Variants in ZCCHC17 observed in about 807,000 individuals in gnomAD.
ZCCHC17 encodes the protein zinc finger CCHC-type containing 17, also known as zinc finger CCHC domain-containing protein 17.
In ZCCHC17, 18 loss-of-function variants were observed where a neutral mutation model predicts 30.6. That is an observed-to-expected ratio of 0.59 (90% confidence interval 0.41 to 0.87). ZCCHC17 has a LOEUF of 0.87. Ranked by LOEUF, ZCCHC17 falls within the 40% of genes least tolerant of loss-of-function variation. The probability of loss-of-function intolerance (pLI) is 0.00; values close to 1 mark genes in which losing one functional copy is unlikely to be tolerated. For missense variants in ZCCHC17, 263 were observed against 284.2 expected (o/e 0.93, Z 0.54); for synonymous variants, 88 against 92.4 (o/e 0.95, Z 0.27).
chr1:31,311,473 A>T (rs1646599522), intron 2 of ZCCHC17, among the ~76,000 whole-genome samples: 1 of 152,226 alleles, frequency 6.6e-6, no homozygotes, highest in Non-Finnish European at 1.5e-5. Flanking sequence ...GTGCTGCTAT[A>T]ACAAAATACC....
chr1:31,342,779 A>C (rs1411869793), intron 5 of ZCCHC17, among the ~76,000 whole-genome samples: 1 of 152,240 alleles, frequency 6.6e-6, no homozygotes, highest in African/African-American at 2.4e-5. Context: ...AAAGGGTTCT[A>C]GGAATTCACT....
intron 5 of ZCCHC17, among the ~76,000 whole-genome samples, chr1:31,342,594 A>G (rs895899757): frequency 3.3e-5 from 5 of 152,154 alleles, no homozygotes; most frequent in African/African-American, 4.8e-5. Context: ...GCAGGTCACA[A>G]TAGGGTTTGC....
At chr1:31,352,483 T>C (rs1331108360) in intron 7 of ZCCHC17, among the ~76,000 whole-genome samples, 1 of 152,194 alleles carries the variant, frequency 6.6e-6, no homozygotes, top group Non-Finnish European at 1.5e-5. Context: ...TAATATTCTG[T>C]TCTATGTATT....
intron 3 of ZCCHC17, among the ~76,000 whole-genome samples, chr1:31,332,046 T>C (rs1638615390): frequency 6.6e-6 from 1 of 152,216 alleles, no homozygotes; most frequent in African/African-American, 2.4e-5. Flanking sequence ...ACTAATGTAA[T>C]TGTTCAGGTA....
At chr1:31,337,967 G>T (rs965440720) in intron 4 of ZCCHC17, among the ~76,000 whole-genome samples, 1 of 151,944 alleles carries the variant, frequency 6.6e-6, no homozygotes, top group Non-Finnish European at 1.5e-5. Context: ...TATAAGTAGA[G>T]ACAATTTTTC....
intron 3 of ZCCHC17, among the ~76,000 whole-genome samples, chr1:31,335,204 G>A (rs890655299): frequency 2.6e-5 from 4 of 151,978 alleles, no homozygotes; most frequent in African/African-American, 9.7e-5. Flanking sequence ...CTTTTCTCTG[G>A]CAGACTCTTG....
chr1:31,302,508 G>T (rs1017095712), intron 1 of ZCCHC17, among the ~76,000 whole-genome samples: 3 of 152,158 alleles, frequency 2.0e-5, no homozygotes, highest in Non-Finnish European at 4.4e-5. Flanking sequence ...TTCCATGAAT[G>T]ATATCCACAT....
chr1:31,313,528 T>C (rs1557429442), intron 2 of ZCCHC17, among the ~76,000 whole-genome samples: 1 of 152,252 alleles, frequency 6.6e-6, no homozygotes, highest in Non-Finnish European at 1.5e-5. Flanking sequence ...TAATTGTGGC[T>C]CTTGACTTCT....
At chr1:31,361,188 T>G (rs1342021117) in intron 7 of ZCCHC17, among the ~76,000 whole-genome samples, 3 of 152,172 alleles carry the variant, frequency 2.0e-5, no homozygotes, top group Non-Finnish European at 2.9e-5. Context: ...TTGTTATAGC[T>G]CGGTAATGTG....
At chr1:31,349,705 A>G (rs1378266287) in intron 7 of ZCCHC17, among the ~76,000 whole-genome samples, 2 of 152,252 alleles carry the variant, frequency 1.3e-5, no homozygotes, top group Non-Finnish European at 1.5e-5. Flanking sequence ...TTGTGGTCAT[A>G]CTAGCTATAG....
chr1:31,353,315 T>G (rs1017529153), intron 7 of ZCCHC17, among the ~76,000 whole-genome samples: 1 of 152,218 alleles, frequency 6.6e-6, no homozygotes, highest in Non-Finnish European at 1.5e-5. Flanking sequence ...TCTTCTAATC[T>G]GTGGATTGTT....
intron 3 of ZCCHC17, among the ~76,000 whole-genome samples, chr1:31,323,121 A>G (rs974238994): frequency 6.6e-6 from 1 of 152,218 alleles, no homozygotes; most frequent in African/African-American, 2.4e-5. Flanking sequence ...GACTTAATGA[A>G]TAACAAAAGA....
chr1:31,316,356 C>T (rs556242079), intron 2 of ZCCHC17, among the ~76,000 whole-genome samples: 198 of 152,290 alleles, frequency 1.3e-3, no homozygotes, highest in South Asian at 0.011. Flanking sequence ...CCTGCCTCAG[C>T]CTCCCAAAGT....
At chr1:31,331,142 C>CT (rs113549583) in intron 3 of ZCCHC17, among the ~76,000 whole-genome samples, 107 of 146,330 alleles carry the variant, frequency 7.3e-4, no homozygotes, top group South Asian at 2.0e-3. Context: ...TCATAATATT[C>CT]TTTTTTTTTT....
intron 3 of ZCCHC17, among the ~76,000 whole-genome samples, chr1:31,329,741 A>C (rs1638505984): frequency 6.6e-6 from 1 of 152,164 alleles, no homozygotes; most frequent in Non-Finnish European, 1.5e-5. Context: ...AATCTCACTG[A>C]ATGAATGAAT....
chr1:31,326,883 A>G (rs1054544152), intron 3 of ZCCHC17, among the ~76,000 whole-genome samples: 1 of 152,200 alleles, frequency 6.6e-6, no homozygotes, highest in Non-Finnish European at 1.5e-5. Flanking sequence ...AAGAGGGAAG[A>G]TTATTAAGTC....
rs59004055 is a variant in ZCCHC17 at position 31,313,068 on chromosome 1, C to CTTTT, written c.66+2921_66+2924dup. 1.4e-3 allele frequency among the ~76,000 whole-genome samples: 159 copies of CTTTT among 113,484 alleles called. 5 individuals are homozygous for CTTTT. The highest frequency in any genetic ancestry group is 1.8e-3 in the Non-Finnish European group (104 of 57,748). The allele number at this position is 113,484 out of a possible 152,430, so 74.4% of individuals were successfully genotyped here. ...AGGTGTGAGCCACCACACTGGGCCT[C>CTTTT]TTTTTTTTTTTTTTTTTTTTCTTTT... On this transcript the variant is annotated intron_variant, in intron 2 of 7. Transcript: ENST00000344147.
chr1:31,306,356 C>G (rs1646457233), intron 1 of ZCCHC17, among the ~76,000 whole-genome samples: 1 of 152,160 alleles, frequency 6.6e-6, no homozygotes. Context: ...AACAGTCAGT[C>G]TGATAACCAA....
Position 31,348,716 on chromosome 1 carries a change from C to A in ZCCHC17, c.419-113C>A, listed in dbSNP as rs1222125479. On this transcript the variant is annotated intron_variant, in intron 6 of 7. Transcript: ENST00000344147. ...ATCAAACAGCTGCTTTGAATGAACT[C>A]AACAATATTTCCTGAGCCAGCTAGC... 17 of 1,311,152 alleles carry A rather than the reference C, an allele frequency of 1.3e-5. No homozygotes were observed. In the South Asian group the frequency reaches 2.0e-4, roughly 15 times the overall value. 81.2% of individuals were successfully genotyped at this position (1,311,152 alleles called of 1,614,324 possible).
Sources: allele counts gnomAD v4.1 joint callset (sites outside exome capture counted in the v4.1 genomes callset), GRCh38; gene constraint gnomAD v4.1.1; transcripts MANE v1.5; gene names NCBI Gene and HGNC (gene_info 2026-07-23, HGNC 2026-07-21).